The following ATP13A4 variants were observed in gnomAD, a reference collection of about 807,000 sequenced individuals.
The protein encoded by ATP13A4 is ATPase 13A4.
ATP13A4 carries 114 observed loss-of-function variants against 142.5 expected under a neutral mutation model. That is an observed-to-expected ratio of 0.80 (90% CI 0.69 to 0.93). The LOEUF is 0.93. ATP13A4 is among the 40% of genes least tolerant of loss of function. The pLI is 0.00. For missense variants in ATP13A4, 1,392 were observed against 1,454.0 expected (o/e 0.96, Z 0.69); for synonymous variants, 488 against 514.8 (o/e 0.95, Z 0.70).
chr3:193,465,061 G>A lies in ATP13A4; in HGVS notation c.1340C>T (p.Pro447Leu), dbSNP rs1335552611. 1.2e-6 allele frequency: 2 copies of A among 1,614,038 alleles called. No individual in the cohort carries two copies. The highest frequency in any genetic ancestry group is 1.7e-6 in the Non-Finnish European group (2 of 1,180,024). ...GATAATGCCTGTGGTCAGAGCAGCA[G>A]GTAGAGCCGGAGGAACCGCAATTGT... Reference protein sequence around the residue: ...VITIAVPPALPAALTTGIIYA... With the variant: ...VITIAVPPALLAALTTGIIYA... The change falls in exon 12 of 30, where the codon CCT becomes CTT. Residue 447 changes from proline to leucine, a missense_variant. Physicochemically the swap from Pro to Leu is moderately conservative, Grantham distance 98 (BLOSUM62 -3). Transcript: ENST00000342695.
At chr3:193,418,764 C>G (rs1025882123) in intron 25 of ATP13A4, among the ~76,000 whole-genome samples, 2 of 149,964 alleles carry the variant, frequency 1.3e-5, no homozygotes, top group African/African-American at 4.9e-5. Flanking sequence ...GCCCTTCCCC[C>G]TGTGGCCTAC....
chr3:193,505,379 C>G (rs1720806471), intron 2 of ATP13A4, among the ~76,000 whole-genome samples: 1 of 152,126 alleles, frequency 6.6e-6, no homozygotes. Context: ...TAATCCAGTG[C>G]ACCAACTAAC....
At position 193,399,777 on chromosome 3, in the gene ATP13A4, C is replaced by T. The variant is rs974799481; in HGVS notation, c.*2875G>A. On this transcript the variant is annotated 3_prime_UTR_variant, in exon 30 of 30. Transcript: ENST00000342695. ...AGGAGAATGGTGTGAATCCGGGAGG[C>T]GGAGCTGGCAGTGAGCCGAGATTGT... 1.5e-5 allele frequency among the ~76,000 whole-genome samples: 2 copies of T among 132,252 alleles called. No individual in the cohort carries two copies. Among genetic ancestry groups the T allele is most frequent in the Non-Finnish European group, 3.1e-5 (2 of 65,214 alleles). The allele number at this position is 132,252 out of a possible 152,430, so 86.8% of individuals were successfully genotyped here.
At chr3:193,560,346 C>T in intron 2 of ATP13A4, among the ~76,000 whole-genome samples, 1 of 151,962 alleles carries the variant, frequency 6.6e-6, no homozygotes, top group Non-Finnish European at 1.5e-5. Context: ...GCAGTTGGGA[C>T]TACAGGCAAG....
At chr3:193,410,253 C>G (rs935492966) in intron 28 of ATP13A4, among the ~76,000 whole-genome samples, 1 of 150,462 alleles carries the variant, frequency 6.6e-6, no homozygotes, top group African/African-American at 2.4e-5. Context: ...ACACAGAAAA[C>G]ATTTTTAAAG....
intron 2 of ATP13A4, chr3:193,581,580 A>G (rs1454497885): frequency 6.6e-6 from 1 of 152,156 alleles, no homozygotes; most frequent in Non-Finnish European, 1.5e-5. Context: ...AAGTCCCCCA[A>G]ATTCCTAGCA....
At chr3:193,493,397 T>C (rs1386265339) in intron 3 of ATP13A4, among the ~76,000 whole-genome samples, 2 of 152,116 alleles carry the variant, frequency 1.3e-5, no homozygotes, top group East Asian at 3.9e-4. Context: ...AAAATATATA[T>C]GAATAAAACT....
At position 193,465,052 on chromosome 3, in the gene ATP13A4, A is replaced by G; in HGVS notation, c.1349T>C (p.Leu450Pro). The change falls in exon 12 of 30, where the codon CTG becomes CCG. Residue 450 changes from leucine to proline, a missense_variant. Coordinates refer to ENST00000342695, the MANE Select transcript of ATP13A4 (RefSeq NM_032279.4). The part of the protein sequence containing the change: ...IAVPPALPAA[L>P]TTGIIYAQRR... ...CTGGGCATAGATAATGCCTGTGGTCAGAGCAGCAGGTAGAGCCGGAGGAAC... is the reference window on the plus strand; with the variant it reads ...CTGGGCATAGATAATGCCTGTGGTCGGAGCAGCAGGTAGAGCCGGAGGAAC... The G allele has an allele frequency of 6.2e-7, 1 of 1,614,156 alleles. No homozygotes were observed. The highest frequency in any genetic ancestry group is 8.5e-7 in the Non-Finnish European group (1 of 1,180,012).
rs369990192 is a variant in ATP13A4 at position 193,554,788 on chromosome 3, A to T, written c.12T>A (p.Phe4Leu). Residue 4 changes from phenylalanine to leucine, a missense_variant, in exon 1 of 30, where the codon TTT becomes TTA. Coordinates refer to ENST00000342695, the MANE Select transcript of ATP13A4 (RefSeq NM_032279.4). ...TGAGCAGAGCGTGCTGGCCCTTCTC[A>T]AAGTGTCCCATGAAAAAGTTATTCC... is the stretch of plus-strand genomic sequence containing the variant. MGH[F>L]EKGQHALLNE... 6.4e-5 allele frequency: 103 copies of T among 1,613,856 alleles called. No homozygotes were observed. Among genetic ancestry groups the T allele is most frequent in the Non-Finnish European group, 2.8e-5 (33 of 1,180,010 alleles).
intron 2 of ATP13A4, among the ~76,000 whole-genome samples, chr3:193,570,982 G>A (rs1335780412): frequency 6.6e-6 from 1 of 152,084 alleles, no homozygotes; most frequent in Non-Finnish European, 1.5e-5. Flanking sequence ...AAGCAAAGTA[G>A]AAAATAAGTA....
Position 193,442,486 on chromosome 3 carries a change from A to G in ATP13A4, c.2223T>C (p.Ile741=). The G allele has an allele frequency of 6.2e-7, 1 of 1,614,026 alleles. No homozygotes were observed. The highest frequency in any genetic ancestry group is 8.5e-7 in the Non-Finnish European group (1 of 1,179,878). Residue 741 remains isoleucine, a synonymous_variant, in exon 19 of 30, where the codon ATT becomes ATC. Coordinates refer to ENST00000342695, the MANE Select transcript of ATP13A4 (RefSeq NM_032279.4). ...CGGTGGTTTCATTTGCCTCAATGAG[A>G]ATGACTTTCTGGCTTTCAGAAACCA... is the stretch of plus-strand genomic sequence containing the variant. ...SGMVSESQKV[I]LIEANETTGS... is the part of the protein sequence containing the mutation.
In ATP13A4 at chr3:193,457,437, T is replaced by C; in HGVS notation, c.1703A>G (p.His568Arg). 6.2e-7 allele frequency: 1 copy of C among 1,614,198 alleles called. No individual in the cohort carries two copies. Among genetic ancestry groups the C allele is most frequent in the South Asian group, 1.1e-5 (1 of 91,084 alleles). ...GGCATGTGCCGGCACTCCCTTGATGTGGAAATCGTCCCCAGAAAAAGCCAT... is the reference window on the plus strand; with the variant it reads ...GGCATGTGCCGGCACTCCCTTGATGCGGAAATCGTCCCCAGAAAAAGCCAT... ...WEMAFSGDDFHIKGVPAHAMV... is the reference protein window; with the variant it reads ...WEMAFSGDDFRIKGVPAHAMV... Residue 568 changes from histidine (H) to arginine (R), a missense_variant, in exon 15 of 30, where the codon CAC becomes CGC. Transcript: ENST00000342695.
chr3:193,460,153 A>G (rs1233538268), intron 13 of ATP13A4, among the ~76,000 whole-genome samples: 1 of 152,122 alleles, frequency 6.6e-6, no homozygotes, highest in Non-Finnish European at 1.5e-5. Flanking sequence ...CTTAGGGATC[A>G]ACTCTGCCGT....
At chr3:193,577,274 T>C (rs1208138711) in intron 2 of ATP13A4, among the ~76,000 whole-genome samples, 2 of 152,240 alleles carry the variant, frequency 1.3e-5, no homozygotes. Flanking sequence ...GTTCTGGACC[T>C]ATATTCCAGT....
intron 2 of ATP13A4, among the ~76,000 whole-genome samples, chr3:193,576,295 C>T (rs113367729): frequency 0.12 from 13,012 of 109,628 alleles, 731 homozygotes; most frequent in Middle Eastern, 0.23. Context: ...GACGGAGTCT[C>T]GCTCTGTCGC....
At chr3:193,488,401 G>C (rs1288079977) in intron 7 of ATP13A4, among the ~76,000 whole-genome samples, 1 of 152,148 alleles carries the variant, frequency 6.6e-6, no homozygotes, top group Non-Finnish European at 1.5e-5. Flanking sequence ...GATGTATCTT[G>C]AAACAGGACC....
At position 193,456,999 on chromosome 3, in the gene ATP13A4, C is replaced by A. The variant is rs1197937534; in HGVS notation, c.1915+1G>T. The A allele has an allele frequency of 1.2e-6, 2 of 1,611,846 alleles. No individual in the cohort carries two copies. Among genetic ancestry groups the A allele is most frequent in the East Asian group, 4.5e-5 (2 of 44,860 alleles). ...GGTGTAATCCAAGTCAAGTTACAGACCTGTCTCAGGTTGGCAAAAGCTGGC... is the reference window on the plus strand; with the variant it reads ...GGTGTAATCCAAGTCAAGTTACAGAACTGTCTCAGGTTGGCAAAAGCTGGC... On this transcript the variant is annotated splice_donor_variant, in intron 16 of 29. Transcript: ENST00000342695. LOFTEE classifies it high-confidence loss of function.
Position 193,406,752 on chromosome 3 carries a change from G to A in ATP13A4, c.3378+561C>T, listed in dbSNP as rs562572961. Among the ~76,000 whole-genome samples the A allele has an allele frequency of 1.8e-4, 28 of 152,274 alleles. No individual in the cohort carries two copies. The South Asian group carries it at 2.1e-3, about 11-fold the overall frequency. The stretch of plus-strand genomic sequence containing the variant: ...TAAGTGAAAGAAGCCACACACAAAA[G>A]GCCACATATTGTATGGTTTCACTTA... On this transcript the variant is annotated intron_variant, in intron 29 of 29. Transcript: ENST00000342695.
chr3:193,426,076 A>G (rs1011786244), intron 25 of ATP13A4, among the ~76,000 whole-genome samples: 1 of 151,782 alleles, frequency 6.6e-6, no homozygotes, highest in Non-Finnish European at 1.5e-5. Context: ...AAGAAGTAAA[A>G]CCATCTCTAT....
Sources: gnomAD v4.1 joint callset for allele counts (sites outside exome capture counted in the v4.1 genomes callset) on GRCh38, gnomAD v4.1.1 for gene constraint, MANE v1.5 for transcripts, NCBI Gene and HGNC (gene_info 2026-07-23, HGNC 2026-07-21) for gene names.